Variants in MAP3K2 observed in about 807,000 individuals in gnomAD.
The protein encoded by MAP3K2 is MAP/ERK kinase kinase 2.
MAP3K2 carries 24 observed loss-of-function variants against 80.3 expected under a neutral mutation model. That is an observed-to-expected ratio of 0.30 (90% CI 0.22 to 0.42). The LOEUF (loss-of-function observed/expected upper bound fraction) is 0.42, where lower values mean the gene tolerates loss of function less well. Ranked by LOEUF, MAP3K2 falls within the 10% of genes least tolerant of loss-of-function variation. MAP3K2 has a pLI of 1.00. For missense variants in MAP3K2, 608 were observed against 750.1 expected (o/e 0.81, Z 2.21); for synonymous variants, 244 against 253.7 (o/e 0.96, Z 0.36).
Position 127,310,720 on chromosome 2 carries a change from T to C in MAP3K2, c.1457-1958A>G, listed in dbSNP as rs1269933610. 4.6e-5 allele frequency among the ~76,000 whole-genome samples: 7 copies of C among 152,152 alleles called. No homozygotes were observed. The highest frequency in any genetic ancestry group is 1.0e-4 in the Non-Finnish European group (7 of 68,020). On this transcript the variant is annotated intron_variant, in intron 15 of 16. Coordinates refer to ENST00000682094, the MANE Select transcript of MAP3K2 (RefSeq NM_001371910.2). This position sits in a 1 kb window ranked among gnomAD's most constrained non-coding sequence, Gnocchi z 4.8. ...TGTTTTTTATTCTCTATTTTCACTCTTATCATTTTAAAAACTCTATTTTTT... is the reference window on the plus strand; with the variant it reads ...TGTTTTTTATTCTCTATTTTCACTCCTATCATTTTAAAAACTCTATTTTTT...
chr2:127,311,760 ATAT>A (rs1053935769), intron 15 of MAP3K2, among the ~76,000 whole-genome samples: 11 of 152,338 alleles, frequency 7.2e-5, no homozygotes, highest in Admixed American at 2.0e-4. Flanking sequence ...TAAATTGTTA[ATAT>A]TATCAAATAT....
chr2:127,334,010 G>C (rs867297242), intron 5 of MAP3K2, among the ~76,000 whole-genome samples: 3 of 152,164 alleles, frequency 2.0e-5, no homozygotes, highest in South Asian at 2.1e-4. Context: ...GACGTGGGAA[G>C]ATCGCTTGAG....
chr2:127,353,872 G>A (rs1450736922), intron 1 of MAP3K2, among the ~76,000 whole-genome samples: 1 of 151,824 alleles, frequency 6.6e-6, no homozygotes, highest in African/African-American at 2.4e-5. Flanking sequence ...GTAGACATGG[G>A]AGACTTTTCA....
chr2:127,328,491 G>A (rs1283233339), intron 7 of MAP3K2, among the ~76,000 whole-genome samples: 1 of 152,192 alleles, frequency 6.6e-6, no homozygotes, highest in Non-Finnish European at 1.5e-5. Flanking sequence ...ATGATTTAAA[G>A]ATGAAGACAC....
rs191278689 is a variant in MAP3K2 at position 127,323,674 on chromosome 2, C to T, written c.838+228G>A. On this transcript the variant is annotated intron_variant, in intron 11 of 16. Transcript: ENST00000682094. The stretch of plus-strand genomic sequence containing the variant: ...TGCCACAGCACTCCCGCCTGGGCAA[C>T]AAAACCTTGTCTCTTAAAACAAAAA... 7.2e-5 allele frequency among the ~76,000 whole-genome samples: 11 copies of T among 152,310 alleles called. 1 individual carries two copies. The highest frequency in any genetic ancestry group is 2.6e-4 in the African/African-American group (11 of 41,572).
At chr2:127,314,932 T>A (rs1488042668) in intron 14 of MAP3K2, 49 bp from the exon 15 acceptor site, 2 of 1,336,142 alleles carry the variant, frequency 1.5e-6, no homozygotes, top group African/African-American at 3.0e-5. Flanking sequence ...TGGTTTGAAA[T>A]GAAAACTGCT....
intron 8 of MAP3K2, 68 bp downstream of exon 8, chr2:127,326,619 G>A (rs749279377): frequency 7.4e-6 from 9 of 1,221,736 alleles, no homozygotes; most frequent in Admixed American, 3.1e-5. Flanking sequence ...ACCCAGTTAC[G>A]TGCCAAATCA....
chr2:127,325,841 T>C (rs1488970809), intron 8 of MAP3K2, 34 bp from the exon 9 acceptor site: 5 of 1,466,374 alleles, frequency 3.4e-6, no homozygotes, highest in Non-Finnish European at 4.8e-6. Flanking sequence ...ATGATTCAAT[T>C]TGATATAACC....
chr2:127,324,867 C>CA (rs1260060949), intron 9 of MAP3K2, among the ~76,000 whole-genome samples: 7 of 152,144 alleles, frequency 4.6e-5, no homozygotes, highest in African/African-American at 1.7e-4. Context: ...GCACGTGTAA[C>CA]AAAAAATTCA....
intron 2 of MAP3K2, 119 bp downstream of exon 2, chr2:127,343,007 C>G: frequency 5.8e-6 from 4 of 688,754 alleles, no homozygotes; most frequent in East Asian, 2.8e-5. Context: ...TTTCATAAAT[C>G]TGCTATATCA....
At chr2:127,317,491 A>G (rs1342222295) in intron 14 of MAP3K2, 138 bp downstream of exon 14, 9 of 621,122 alleles carry the variant, frequency 1.4e-5, no homozygotes, top group Non-Finnish European at 1.8e-5. Context: ...AGAAAATACT[A>G]CTCAGCTCTA....
intron 5 of MAP3K2, among the ~76,000 whole-genome samples, chr2:127,330,758 A>C (rs1573987724): frequency 6.6e-6 from 1 of 152,340 alleles, no homozygotes; most frequent in East Asian, 1.9e-4. Flanking sequence ...ATAACATTTA[A>C]AGATTAATTT....
chr2:127,379,563 C>T (rs1005199709), intron 1 of MAP3K2, among the ~76,000 whole-genome samples: 1 of 152,132 alleles, frequency 6.6e-6, no homozygotes, highest in Non-Finnish European at 1.5e-5. Context: ...AGTCGGTTAA[C>T]GTATAAGGTT....
chr2:127,379,048 C>T (rs1043588148), intron 1 of MAP3K2, among the ~76,000 whole-genome samples: 20 of 141,614 alleles, frequency 1.4e-4, no homozygotes, highest in African/African-American at 5.3e-5. Context: ...TCTCAAACTC[C>T]TGGGCTCCAG....
At chr2:127,313,190 T>C (rs1472329283) in intron 15 of MAP3K2, among the ~76,000 whole-genome samples, 1 of 152,216 alleles carries the variant, frequency 6.6e-6, no homozygotes, top group Non-Finnish European at 1.5e-5. Context: ...GGATGGCTCA[T>C]CACTTCTGGC....
chr2:127,354,370 C>T (rs932380929), intron 1 of MAP3K2, among the ~76,000 whole-genome samples: 4 of 149,466 alleles, frequency 2.7e-5, no homozygotes, highest in South Asian at 2.1e-4. Flanking sequence ...GTATTTATTA[C>T]AAACAGCCAA....
At chr2:127,363,544 G>A (rs562025164) in intron 1 of MAP3K2, among the ~76,000 whole-genome samples, 2 of 152,222 alleles carry the variant, frequency 1.3e-5, no homozygotes, top group South Asian at 2.1e-4. Flanking sequence ...TCAGAATTCT[G>A]AAGTCAACAC....
At chr2:127,381,065 C>G (rs1201966205) in intron 1 of MAP3K2, among the ~76,000 whole-genome samples, 1 of 152,050 alleles carries the variant, frequency 6.6e-6, no homozygotes, top group Non-Finnish European at 1.5e-5. Context: ...CAGGGTCTTG[C>G]TATGTTGCCC....
intron 1 of MAP3K2, among the ~76,000 whole-genome samples, chr2:127,346,981 A>G (rs1686607158): frequency 6.6e-6 from 1 of 152,052 alleles, no homozygotes; most frequent in East Asian, 1.9e-4. Flanking sequence ...ACAGAGCGAG[A>G]CTCTGTCTCA....
Sources: gnomAD v4.1 joint callset for allele counts (sites outside exome capture counted in the v4.1 genomes callset) on GRCh38, gnomAD v4.1.1 for gene constraint, Gnocchi (gnomAD v3.1) non-coding constraint, MANE v1.5 for transcripts, NCBI Gene and HGNC (gene_info 2026-07-23, HGNC 2026-07-21) for gene names.